Variants in FBXL13 observed in about 807,000 individuals in gnomAD.
The protein encoded by FBXL13 is F-box and leucine rich repeat protein 13.
A neutral mutation model predicts 83.6 loss-of-function variants in FBXL13; 67 were observed. The observed-to-expected ratio is 0.80, with a 90% CI of 0.66 to 0.98. The LOEUF (loss-of-function observed/expected upper bound fraction) is 0.98, where lower values mean the gene tolerates loss of function less well. Among genes scored for constraint, FBXL13 ranks in the 50% least tolerant of loss-of-function variants. The probability of loss-of-function intolerance (pLI) is 0.00; values close to 1 mark genes in which losing one functional copy is unlikely to be tolerated. For missense variants in FBXL13, 822 were observed against 866.5 expected (o/e 0.95, Z 0.64); for synonymous variants, 272 against 299.5 (o/e 0.91, Z 0.95).
intron 8 of FBXL13, chr7:102,936,113 C>T (rs1351491178): frequency 6.8e-6 from 1 of 148,106 alleles, no homozygotes; most frequent in African/African-American, 2.5e-5. Flanking sequence ...GGGAGGTTTG[C>T]TTACCAAGAC....
chr7:102,940,183 C>T (rs180812229), intron 8 of FBXL13, among the ~76,000 whole-genome samples: 2 of 150,928 alleles, frequency 1.3e-5, no homozygotes, highest in South Asian at 2.1e-4. Context: ...CATGAGCCAC[C>T]GCGCCTGGCC....
chr7:102,879,121 C>G (rs1430850344), intron 14 of FBXL13, among the ~76,000 whole-genome samples: 2 of 152,140 alleles, frequency 1.3e-5, no homozygotes, highest in East Asian at 1.9e-4. Context: ...AATTGAGAAC[C>G]ACCAGATCCT....
intron 16 of FBXL13, among the ~76,000 whole-genome samples, chr7:102,860,184 G>A (rs1806600419): frequency 6.6e-6 from 1 of 152,072 alleles, no homozygotes; most frequent in African/African-American, 2.4e-5. Context: ...CTCTCTCTGG[G>A]GAATATGAGT....
intron 6 of FBXL13, among the ~76,000 whole-genome samples, chr7:103,021,746 T>C (rs1373917739): frequency 1.3e-5 from 2 of 152,226 alleles, no homozygotes; most frequent in African/African-American, 2.4e-5. Flanking sequence ...TCATCATCCC[T>C]GGCCATCAGA....
intron 18 of FBXL13, among the ~76,000 whole-genome samples, chr7:102,824,873 C>T (rs1006509775): frequency 1.3e-5 from 2 of 150,668 alleles, no homozygotes; most frequent in Admixed American, 6.6e-5. Flanking sequence ...GTCTTCTTGC[C>T]GTAGCCTCCC....
intron 6 of FBXL13, among the ~76,000 whole-genome samples, chr7:103,003,064 T>A (rs1790569461): frequency 1.3e-5 from 2 of 152,130 alleles, no homozygotes; most frequent in Non-Finnish European, 2.9e-5. Context: ...ATTCTCTATA[T>A]CTTGTAGGCA....
At chr7:102,871,195 A>G (rs1808477665) in intron 16 of FBXL13, among the ~76,000 whole-genome samples, 1 of 152,044 alleles carries the variant, frequency 6.6e-6, no homozygotes, top group Non-Finnish European at 1.5e-5. Context: ...CCTCCATGAG[A>G]ATGACTCCCC....
intron 11 of FBXL13, among the ~76,000 whole-genome samples, chr7:102,884,603 G>A (rs1052030255): frequency 6.6e-6 from 1 of 152,002 alleles, no homozygotes; most frequent in Non-Finnish European, 1.5e-5. Flanking sequence ...CCTCAGCCAG[G>A]AGTTCAAGGC....
downstream of FBXL13, among the ~76,000 whole-genome samples, chr7:102,811,616 C>T (rs1005521248): frequency 1.3e-5 from 2 of 152,314 alleles, no homozygotes; most frequent in South Asian, 2.1e-4. Flanking sequence ...TGTTTCTTAC[C>T]GGGGTCTAAC....
intron 19 of FBXL13, among the ~76,000 whole-genome samples, chr7:102,819,092 T>A (rs1363786232): frequency 6.6e-6 from 1 of 152,152 alleles, no homozygotes; most frequent in South Asian, 2.1e-4. Context: ...TCGCTAACTA[T>A]ACAATTAGTG....
rs183137604 is a variant in FBXL13, at chr7:102,899,065, G to A, written c.1008+14021C>T. Among the ~76,000 whole-genome samples, 817 of 152,164 alleles carry A rather than the reference G, an allele frequency of 5.4e-3. 2 individuals are homozygous for A. Among genetic ancestry groups the A allele is most frequent in the Non-Finnish European group, 8.9e-3 (603 of 67,992 alleles). On this transcript the variant is annotated intron_variant, in intron 11 of 19. Transcript: ENST00000313221. ...TGGGTAGCTGGGATTACAGACTTGC[G>A]CCGCCATACTTGGCTAACTGTTGAA...
At chr7:102,939,342 C>A in intron 8 of FBXL13, 1 of 1,139,926 alleles carries the variant, frequency 8.8e-7, no homozygotes, top group South Asian at 1.6e-5. Flanking sequence ...TCTTTAAGAG[C>A]TGATTCTTCA....
At chr7:102,895,266 T>C (rs1444921518) in intron 11 of FBXL13, among the ~76,000 whole-genome samples, 4 of 152,018 alleles carry the variant, frequency 2.6e-5, no homozygotes, top group African/African-American at 7.2e-5. Flanking sequence ...TAAGTGCAAG[T>C]TAATGTGGTG....
At chr7:102,881,172 G>A (rs1481182841) in intron 14 of FBXL13, among the ~76,000 whole-genome samples, 7 of 152,122 alleles carry the variant, frequency 4.6e-5, no homozygotes. Flanking sequence ...TAGGCAAGGC[G>A]CAGTGGCTCA....
At position 103,052,261 on chromosome 7, in the gene FBXL13, C is replaced by T. The variant is rs373853032; in HGVS notation, c.-1+3383G>A. Reference sequence around the variant, plus strand: ...ACCAATATTCATTTAGTATACTATACATTTTTTTTAAGAGATGAGGTCTCA... The same window carrying T: ...ACCAATATTCATTTAGTATACTATATATTTTTTTTAAGAGATGAGGTCTCA... On this transcript the variant is annotated intron_variant, in intron 2 of 19. Coordinates refer to ENST00000313221, the Ensembl canonical transcript of FBXL13. Among the ~76,000 whole-genome samples, 45 of 152,226 alleles carry T rather than the reference C, an allele frequency of 3.0e-4. 4 individuals carry two copies. The East Asian group carries it at 3.5e-3, about 12-fold the overall frequency.
At chr7:103,027,298 AAAAAAT>A (rs953040236) in intron 5 of FBXL13, 145 bp downstream of exon 6, 87 of 551,332 alleles carry the variant, frequency 1.6e-4, no homozygotes, top group Non-Finnish European at 2.5e-4. Context: ...CTCTGTCCCA[AAAAAAT>A]AAAAATAAAA....
At chr7:102,990,772 G>A (rs921220655) in intron 6 of FBXL13, among the ~76,000 whole-genome samples, 2 of 152,206 alleles carry the variant, frequency 1.3e-5, no homozygotes, top group Non-Finnish European at 2.9e-5. Context: ...TACAAAGAGA[G>A]CACGTGATGG....
At chr7:102,888,393 G>T (rs1811079536) in intron 11 of FBXL13, among the ~76,000 whole-genome samples, 1 of 152,218 alleles carries the variant, frequency 6.6e-6, no homozygotes, top group Non-Finnish European at 1.5e-5. Flanking sequence ...AAAAAAATTA[G>T]CCAGGCATGG....
At chr7:102,973,896 T>C (rs1827095982) in intron 6 of FBXL13, 3 of 680,870 alleles carry the variant, frequency 4.4e-6, no homozygotes, top group Admixed American at 2.4e-5. Context: ...GCTGATCATC[T>C]GGTCTTAGGG....
Sources: gnomAD v4.1 joint callset for allele counts (sites outside exome capture counted in the v4.1 genomes callset) on GRCh38, gnomAD v4.1.1 for gene constraint, MANE v1.5 for transcripts, NCBI Gene and HGNC (gene_info 2026-07-23, HGNC 2026-07-21) for gene names.